Variants in ADAMTS12 observed in about 807,000 individuals in gnomAD.
ADAMTS12 encodes ADAM metallopeptidase with thrombospondin type 1 motif 12, also known as A disintegrin and metalloproteinase with thrombospondin motifs 12.
Under a neutral mutation model 167.8 loss-of-function variants are expected in ADAMTS12, and 118 were observed. The observed-to-expected ratio is 0.70, with a 90% confidence interval of 0.61 to 0.82. The LOEUF is 0.82. Ranked by LOEUF, ADAMTS12 falls within the 40% of genes least tolerant of loss-of-function variation. The pLI is 0.00. For synonymous variants in ADAMTS12, 704 were observed against 716.9 expected, an observed-to-expected ratio of 0.98 and a Z score of 0.29; for missense variants, 1,916 against 1,998.8, an observed-to-expected ratio of 0.96 and a Z score of 0.79.
intron 5 of ADAMTS12, among the ~76,000 whole-genome samples, chr5:33,676,072 C>G (rs1366186179): frequency 1.3e-5 from 2 of 151,956 alleles, no homozygotes; most frequent in African/African-American, 2.4e-5. Flanking sequence ...TTTTTTTTCA[C>G]TTCAGCTTCT....
intron 12 of ADAMTS12, among the ~76,000 whole-genome samples, chr5:33,633,966 T>C (rs551551840): frequency 6.6e-6 from 1 of 152,266 alleles, no homozygotes; most frequent in Non-Finnish European, 1.5e-5. Flanking sequence ...AATTTACTAG[T>C]GAACTCTCAC....
intron 12 of ADAMTS12, among the ~76,000 whole-genome samples, chr5:33,632,018 T>C (rs1038079634): frequency 2.6e-5 from 4 of 152,076 alleles, no homozygotes; most frequent in African/African-American, 4.8e-5. Flanking sequence ...GGCCAGGAAA[T>C]GAAAGTGCAA....
In ADAMTS12 at chr5:33,527,050, A is replaced by G. The variant is rs115773900; in HGVS notation, c.*138T>C. 8.2e-4 allele frequency: 953 copies of G among 1,167,748 alleles called. 8 individuals carry two copies. In the African/African-American group the frequency reaches 0.012, roughly 14 times the overall value. 72.3% of individuals were successfully genotyped at this position (1,167,748 alleles called of 1,614,324 possible). A position where few individuals can be genotyped will look rare whatever the true frequency, so the allele number is the denominator to read the frequency against. On this transcript the variant is annotated 3_prime_UTR_variant, in exon 24 of 24. Transcript: ENST00000504830. ...GACATTCGGTGGCTAGAGGAACACA[A>G]TGGATTTTGTTTCATCATGACCCAA...
chr5:33,859,927 T>C (rs1749541777), intron 2 of ADAMTS12, among the ~76,000 whole-genome samples: 1 of 152,096 alleles, frequency 6.6e-6, no homozygotes. Context: ...GGCCTGACTG[T>C]TGGAAGGAAA....
intron 7 of ADAMTS12, among the ~76,000 whole-genome samples, chr5:33,651,243 C>A (rs2112196358): frequency 6.6e-6 from 1 of 152,276 alleles, no homozygotes; most frequent in Non-Finnish European, 1.5e-5. Flanking sequence ...TCCTAAACTG[C>A]AAGCAAGGTT....
chr5:33,575,992 T>A, intron 19 of ADAMTS12, 62 bp downstream of exon 19: 1 of 1,531,494 alleles, frequency 6.5e-7, no homozygotes, highest in Non-Finnish European at 8.7e-7. Context: ...AATTTTCACA[T>A]GAATTTAACA....
At chr5:33,853,638 T>A (rs113513745) in intron 2 of ADAMTS12, among the ~76,000 whole-genome samples, 32 of 152,174 alleles carry the variant, frequency 2.1e-4, no homozygotes, top group Non-Finnish European at 4.4e-5. Flanking sequence ...CCCATCAACA[T>A]TGATTAGAGC....
At chr5:33,839,372 A>T (rs1748655426) in intron 2 of ADAMTS12, among the ~76,000 whole-genome samples, 1 of 152,212 alleles carries the variant, frequency 6.6e-6, no homozygotes, top group Non-Finnish European at 1.5e-5. Context: ...TGTAGGTTTA[A>T]CCGTATTTTA....
At chr5:33,540,189 G>A (rs928937233) in intron 22 of ADAMTS12, among the ~76,000 whole-genome samples, 8 of 152,262 alleles carry the variant, frequency 5.3e-5, no homozygotes, top group Non-Finnish European at 1.0e-4. Context: ...CCACACTCAC[G>A]GAGCCTTGCT....
At chr5:33,585,960 C>A (rs982829020) in intron 18 of ADAMTS12, among the ~76,000 whole-genome samples, 8 of 152,160 alleles carry the variant, frequency 5.3e-5, no homozygotes, top group African/African-American at 1.9e-4. Context: ...TGTACTTCCT[C>A]TTTCTTCTCA....
At chr5:33,644,660 T>C (rs1355162629) in intron 9 of ADAMTS12, among the ~76,000 whole-genome samples, 1 of 152,148 alleles carries the variant, frequency 6.6e-6, no homozygotes, top group African/African-American at 2.4e-5. Flanking sequence ...TCTTAAGGGC[T>C]TCAGCTCACT....
intron 9 of ADAMTS12, among the ~76,000 whole-genome samples, 195 bp from the exon 10 acceptor site, chr5:33,643,665 ATGG>A (rs1321046090): frequency 6.6e-6 from 1 of 152,222 alleles, no homozygotes; most frequent in Non-Finnish European, 1.5e-5. Context: ...TTCATAAACA[ATGG>A]TCTATAGATC....
At chr5:33,779,984 T>C (rs1447714903) in intron 2 of ADAMTS12, among the ~76,000 whole-genome samples, 1 of 152,206 alleles carries the variant, frequency 6.6e-6, no homozygotes, top group Non-Finnish European at 1.5e-5. Flanking sequence ...AGATCTTACA[T>C]GTTTTTACTA....
At chr5:33,884,748 G>C (rs1209786958) in intron 1 of ADAMTS12, among the ~76,000 whole-genome samples, 1 of 152,176 alleles carries the variant, frequency 6.6e-6, no homozygotes, top group Non-Finnish European at 1.5e-5. Flanking sequence ...AGTGTATGTG[G>C]AAAATTAATC....
chr5:33,559,199 G>A (rs1219462349), intron 20 of ADAMTS12, among the ~76,000 whole-genome samples: 2 of 152,110 alleles, frequency 1.3e-5, no homozygotes, highest in Admixed American at 6.6e-5. Flanking sequence ...AAACCTCTTG[G>A]GTAGCTCTTT....
At chr5:33,572,421 C>A (rs1309902051) in intron 19 of ADAMTS12, among the ~76,000 whole-genome samples, 1 of 151,686 alleles carries the variant, frequency 6.6e-6, no homozygotes, top group East Asian at 1.9e-4. Context: ...GGCTTCATCC[C>A]TGGGATGCAA....
intron 2 of ADAMTS12, among the ~76,000 whole-genome samples, chr5:33,855,777 G>T (rs769321263): frequency 8.5e-5 from 13 of 152,180 alleles, no homozygotes; most frequent in Non-Finnish European, 1.8e-4. Context: ...GGGCTAGAGA[G>T]CAGTGGCATG....
At chr5:33,646,720 A>G (rs1351281699) in intron 9 of ADAMTS12, among the ~76,000 whole-genome samples, 1 of 128,168 alleles carries the variant, frequency 7.8e-6, no homozygotes, top group Non-Finnish European at 1.7e-5. Flanking sequence ...CACAAAACAA[A>G]ATAACACGTA....
At chr5:33,692,872 A>G (rs1742601375) in intron 3 of ADAMTS12, among the ~76,000 whole-genome samples, 1 of 152,234 alleles carries the variant, frequency 6.6e-6, no homozygotes, top group South Asian at 2.1e-4. Flanking sequence ...TCCGGAGAAA[A>G]TAATCCCATG....
Sources: allele counts gnomAD v4.1 joint callset (sites outside exome capture counted in the v4.1 genomes callset), GRCh38; gene constraint gnomAD v4.1.1; transcripts MANE v1.5; gene names NCBI Gene and HGNC (gene_info 2026-07-23, HGNC 2026-07-21).